The following SNX4 variants were observed in gnomAD, a reference collection of about 807,000 sequenced individuals.
The protein encoded by SNX4 is sorting nexin 4.
In SNX4, 49 loss-of-function variants were observed where a neutral mutation model predicts 70.8. The ratio of observed to expected loss-of-function variants is 0.69; its 90% confidence interval spans 0.55 to 0.88. The LOEUF (loss-of-function observed/expected upper bound fraction) is 0.88. Ranked by LOEUF, SNX4 falls within the 40% of genes least tolerant of loss-of-function variation. SNX4 has a pLI of 0.00. For missense variants in SNX4, 528 were observed against 544.8 expected (o/e 0.97, Z 0.31); for synonymous variants, 206 against 183.8 (o/e 1.12, Z -0.98).
At chr3:125,501,668 A>C (rs1328089867) in intron 2 of SNX4, among the ~76,000 whole-genome samples, 2 of 152,008 alleles carry the variant, frequency 1.3e-5, no homozygotes, top group Non-Finnish European at 2.9e-5. Flanking sequence ...AAGCAGCTGG[A>C]CCTTTAAATA....
Position 125,460,843 on chromosome 3 carries a change from TC to T in SNX4, c.871del (p.Asp291MetfsTer14). The T allele has an allele frequency of 6.6e-7, 1 of 1,512,718 alleles. No homozygotes were observed. Among genetic ancestry groups the T allele is most frequent in the African/African-American group, 1.4e-5 (1 of 71,412 alleles). 93.7% of individuals were successfully genotyped at this position (1,512,718 alleles called of 1,614,324 possible). On this transcript the variant is annotated frameshift_variant, in exon 10 of 14. Transcript: ENST00000251775. LOFTEE classifies it high-confidence loss of function. ...ATGTTCTTCATCTTCCAAAATATCA[TC>T]AATAGAAGATGCATACCTGTTTTAA... ...HHMDVYASSI[D>X]DILEDEEHYA...
rs376038686 is a variant in SNX4, at chr3:125,457,599, C to A, written c.945-234G>T. Among the ~76,000 whole-genome samples, 235 of 104,852 alleles carry A rather than the reference C, an allele frequency of 2.2e-3. 2 individuals are homozygous for A. The highest frequency in any genetic ancestry group is 8.6e-3 in the African/African-American group (221 of 25,780). 68.8% of individuals were successfully genotyped at this position (104,852 alleles called of 152,430 possible). On this transcript the variant is annotated intron_variant, in intron 10 of 13. Coordinates refer to ENST00000251775, the MANE Select transcript of SNX4 (RefSeq NM_003794.4). ...TTTTTTTTTTTTTTTTTTTTTGAGACAGAGTTTTGCTCTTGTTGCCCAGGC... is the reference window on the plus strand; with the variant it reads ...TTTTTTTTTTTTTTTTTTTTTGAGAAAGAGTTTTGCTCTTGTTGCCCAGGC...
chr3:125,500,703 G>T (rs1934907026), intron 2 of SNX4, among the ~76,000 whole-genome samples: 1 of 149,154 alleles, frequency 6.7e-6, no homozygotes, highest in South Asian at 2.1e-4. Context: ...TCGGGAGGCT[G>T]AGGCAGAATG....
chr3:125,464,796 G>A (rs1331449818), intron 9 of SNX4, among the ~76,000 whole-genome samples: 3 of 151,946 alleles, frequency 2.0e-5, no homozygotes, highest in African/African-American at 7.3e-5. Context: ...AGGTTGGAGT[G>A]CAGTGGTGCA....
chr3:125,451,139 C>A (rs9838519), intron 13 of SNX4, among the ~76,000 whole-genome samples, 166 bp downstream of exon 13: 3,975 of 151,844 alleles, frequency 0.026, 191 homozygotes, highest in African/African-American at 0.089. Flanking sequence ...AATAAAAAAA[C>A]CAAAACAAAA....
In SNX4 at chr3:125,497,978, T is replaced by C. The variant is rs749134566; in HGVS notation, c.405A>G (p.Glu135=). Residue 135 remains glutamate, a synonymous_variant, in exon 4 of 14, where the codon GAA becomes GAG. Transcript: ENST00000251775. ...CAGCAGAGAGTTTATGCCAAACAAA[T>C]TCTGCCTAGGTAAACAAAATAATCA... ...VVPPLPEKRA[E]FVWHKLSADN... is the part of the protein sequence containing the mutation. 1.2e-6 allele frequency: 2 copies of C among 1,614,136 alleles called. No homozygotes were observed. The highest frequency in any genetic ancestry group is 1.3e-5 in the African/African-American group (1 of 75,058).
At chr3:125,492,114 A>G (rs1368736725) in intron 5 of SNX4, among the ~76,000 whole-genome samples, 2 of 148,006 alleles carry the variant, frequency 1.4e-5, no homozygotes, top group Non-Finnish European at 3.0e-5. Flanking sequence ...TCTCAAAAAA[A>G]AAAAAAAAAA....
intron 11 of SNX4, among the ~76,000 whole-genome samples, chr3:125,454,673 C>T (rs947036581): frequency 2.6e-5 from 4 of 152,176 alleles, no homozygotes; most frequent in African/African-American, 4.8e-5. Flanking sequence ...TGAGGGATGA[C>T]TGCACTACTG....
chr3:125,497,111 A>G (rs1414545192), intron 5 of SNX4, among the ~76,000 whole-genome samples: 1 of 152,188 alleles, frequency 6.6e-6, no homozygotes, highest in Non-Finnish European at 1.5e-5. Flanking sequence ...ACTGTTACAA[A>G]ATGTTCTTTC....
intron 5 of SNX4, among the ~76,000 whole-genome samples, chr3:125,492,731 A>G (rs556812698): frequency 3.5e-4 from 54 of 152,306 alleles, no homozygotes; most frequent in African/African-American, 1.3e-3. Flanking sequence ...GTTTATGAGT[A>G]TTTCCAGCTC....
rs1251299273 is a variant in SNX4, at chr3:125,497,867, A to C, written c.516T>G (p.Cys172Trp). The C allele has an allele frequency of 2.5e-6, 4 of 1,613,442 alleles. No individual in the cohort carries two copies. The highest frequency in any genetic ancestry group is 3.4e-6 in the Non-Finnish European group (4 of 1,179,720). ...LLRIASHPIL[C>W]RDKIFYLFLT... ...AAAACAGATAGAAGATTTTGTCTCT[A>C]CAAAGGATGGGATGTGAAGCAATCC... The change falls in exon 4 of 14, where the codon TGT (cysteine) becomes TGG (tryptophan). Residue 172 changes from cysteine (C) to tryptophan (W), a missense_variant. Coordinates refer to ENST00000251775, the MANE Select transcript of SNX4 (RefSeq NM_003794.4).
At chr3:125,454,846 T>C (rs1933667013) in intron 11 of SNX4, among the ~76,000 whole-genome samples, 1 of 152,226 alleles carries the variant, frequency 6.6e-6, no homozygotes, top group African/African-American at 2.4e-5. Flanking sequence ...TTATTTATTT[T>C]TACAGAGTCA....
Position 125,463,895 on chromosome 3 carries a change from C to CTA in SNX4, c.855-3036_855-3035insTA, listed in dbSNP as rs1326254740. On this transcript the variant is annotated intron_variant, in intron 9 of 13. Transcript: ENST00000251775. ...GCTCCTATACTTGCTTCTTCACTGTCTTAATAGTGTCGCTTTTTAAAAAAT... is the reference window on the plus strand; with the variant it reads ...GCTCCTATACTTGCTTCTTCACTGTCTATTAATAGTGTCGCTTTTTAAAAAAT... 8.5e-4 allele frequency among the ~76,000 whole-genome samples: 129 copies of CTA among 152,176 alleles called. 1 individual carries two copies. The East Asian group carries it at 0.022, about 26-fold the overall frequency.
intron 1 of SNX4, 83 bp downstream of exon 1, chr3:125,519,947 CGG>C: frequency 1.3e-5 from 14 of 1,090,832 alleles, no homozygotes; most frequent in Middle Eastern, 5.5e-4. Context: ...TGGCCCGGCC[CGG>C]CCCAGCCCAG....
intron 2 of SNX4, 150 bp from the exon 3 acceptor site, chr3:125,498,344 C>T: frequency 1.3e-6 from 1 of 774,320 alleles, no homozygotes; most frequent in Non-Finnish European, 2.0e-6. Context: ...TTTTTCAAGA[C>T]AGGGTCCCAC....
chr3:125,506,817 T>TAAAAAAAAA (rs71148182), intron 1 of SNX4, among the ~76,000 whole-genome samples: 5 of 26,832 alleles, frequency 1.9e-4, no homozygotes, highest in Non-Finnish European at 3.1e-4. Context: ...GTGGAGAAAG[T>TAAAAAAAAA]AAAAAAAAAA....
chr3:125,485,252 AACAAAGGCAAAAAC>A (rs947163479), intron 6 of SNX4, among the ~76,000 whole-genome samples: 27 of 152,060 alleles, frequency 1.8e-4, no homozygotes, highest in Non-Finnish European at 3.4e-4. Context: ...TCTCAAAAAC[AACAAAGGCAAAAAC>A]ACAGCTTGGG....
At chr3:125,449,882 A>C (rs1933531468) in intron 13 of SNX4, among the ~76,000 whole-genome samples, 1 of 152,172 alleles carries the variant, frequency 6.6e-6, no homozygotes, top group African/African-American at 2.4e-5. Flanking sequence ...TTACAGGAAA[A>C]ACAAAAAAAC....
chr3:125,484,057 T>A (rs1422795488), intron 6 of SNX4, among the ~76,000 whole-genome samples: 1 of 152,136 alleles, frequency 6.6e-6, no homozygotes, highest in Non-Finnish European at 1.5e-5. Context: ...ACATAAAACT[T>A]CCCTCCTGAA....
Sources: allele counts gnomAD v4.1 joint callset (sites outside exome capture counted in the v4.1 genomes callset), GRCh38; gene constraint gnomAD v4.1.1; transcripts MANE v1.5; gene names NCBI Gene and HGNC (gene_info 2026-07-23, HGNC 2026-07-21).